ADGRB3: variants seen among roughly 807,000 people sequenced by gnomAD.
ADGRB3 encodes adhesion G protein-coupled receptor B3, also known as brain-specific angiogenesis inhibitor 3.
ADGRB3 carries 37 observed loss-of-function variants against 193.4 expected under a neutral mutation model. The observed-to-expected ratio is 0.19, with a 90% CI of 0.15 to 0.25. ADGRB3 has a LOEUF of 0.25. Ranked by LOEUF, ADGRB3 falls within the 10% of genes least tolerant of loss-of-function variation. The pLI is 1.00. For synonymous variants in ADGRB3, 690 were observed against 644.2 expected (o/e 1.07, Z -1.08); for missense variants, 1,637 against 1,852.9 (o/e 0.88, Z 2.14).
At chr6:69,255,560 T>G (rs536840351) in intron 20 of ADGRB3, among the ~76,000 whole-genome samples, 71 of 152,348 alleles carry the variant, frequency 4.7e-4, no homozygotes, top group Admixed American at 6.5e-4. Flanking sequence ...TTTGTTTTTT[T>G]CTTGTAAATT....
At chr6:69,074,160 A>G (rs1435146870) in intron 16 of ADGRB3, among the ~76,000 whole-genome samples, 1 of 152,218 alleles carries the variant, frequency 6.6e-6, no homozygotes, top group Non-Finnish European at 1.5e-5. Flanking sequence ...GCTTAAAAAA[A>G]AAAAGTAAGA....
intron 3 of ADGRB3, among the ~76,000 whole-genome samples, chr6:68,887,549 C>T (rs2150227589): frequency 6.6e-6 from 1 of 152,148 alleles, no homozygotes; most frequent in South Asian, 2.1e-4. Context: ...GAGTTTCTTA[C>T]ATCTGCTATT....
chr6:69,205,596 G>A (rs919368094), intron 17 of ADGRB3, among the ~76,000 whole-genome samples: 1 of 152,026 alleles, frequency 6.6e-6, no homozygotes, highest in East Asian at 1.9e-4. Context: ...AATGGCACTG[G>A]CCTCTAGTAT....
At chr6:68,678,704 G>A (rs1033038753) in intron 3 of ADGRB3, among the ~76,000 whole-genome samples, 3 of 152,104 alleles carry the variant, frequency 2.0e-5, no homozygotes, top group African/African-American at 7.2e-5. Context: ...ATCTATTTGT[G>A]TGTGTGTGTG....
chr6:68,742,257 A>G (rs1476543647), intron 3 of ADGRB3, among the ~76,000 whole-genome samples: 1 of 152,128 alleles, frequency 6.6e-6, no homozygotes, highest in Non-Finnish European at 1.5e-5. Flanking sequence ...ATATATTGTA[A>G]TTCTTCCAGT....
At chr6:69,264,668 AC>A (rs1425157881) in intron 20 of ADGRB3, among the ~76,000 whole-genome samples, 2 of 151,784 alleles carry the variant, frequency 1.3e-5, no homozygotes, top group East Asian at 1.9e-4. Flanking sequence ...AACGAGTCTC[AC>A]CCAAACTCAC....
At chr6:68,901,693 A>T (rs1766397654) in intron 3 of ADGRB3, among the ~76,000 whole-genome samples, 1 of 152,218 alleles carries the variant, frequency 6.6e-6, no homozygotes, top group African/African-American at 2.4e-5. Flanking sequence ...AATATTAGAT[A>T]AAAAGTCCTT....
At chr6:68,854,225 T>C (rs1764891614) in intron 3 of ADGRB3, among the ~76,000 whole-genome samples, 1 of 152,214 alleles carries the variant, frequency 6.6e-6, no homozygotes, top group Non-Finnish European at 1.5e-5. Context: ...GTTAAATATC[T>C]GGAATTAGTT....
At chr6:69,060,399 C>T (rs968240642) in intron 15 of ADGRB3, among the ~76,000 whole-genome samples, 3 of 151,934 alleles carry the variant, frequency 2.0e-5, no homozygotes, top group Non-Finnish European at 4.4e-5. Context: ...CTACTTTGCT[C>T]CTTACAGACC....
chr6:69,192,783 C>T (rs1765220765), intron 17 of ADGRB3, among the ~76,000 whole-genome samples: 1 of 152,012 alleles, frequency 6.6e-6, no homozygotes, highest in Non-Finnish European at 1.5e-5. Flanking sequence ...TTTTGAGGGT[C>T]TGCTATATTC....
intron 20 of ADGRB3, among the ~76,000 whole-genome samples, chr6:69,248,811 C>A (rs1766551864): frequency 6.6e-6 from 1 of 152,112 alleles, no homozygotes; most frequent in Non-Finnish European, 1.5e-5. Context: ...GTGAGGCCAG[C>A]CTATTTCTGG....
chr6:69,285,065 GC>G (rs1767519318), intron 20 of ADGRB3, among the ~76,000 whole-genome samples: 1 of 152,192 alleles, frequency 6.6e-6, no homozygotes, highest in African/African-American at 2.4e-5. Context: ...CTCAAAGAAT[GC>G]TTTAGAATAT....
intron 17 of ADGRB3, among the ~76,000 whole-genome samples, chr6:69,162,934 G>A (rs1427898302): frequency 6.6e-6 from 1 of 151,992 alleles, no homozygotes; most frequent in Non-Finnish European, 1.5e-5. Context: ...CACAGACCGT[G>A]GGAGCTGATG....
chr6:68,835,498 C>T (rs1310027995), intron 3 of ADGRB3, among the ~76,000 whole-genome samples: 1 of 152,082 alleles, frequency 6.6e-6, no homozygotes, highest in Non-Finnish European at 1.5e-5. Context: ...AAACAGTCTA[C>T]ATGACTTATT....
chr6:68,936,871 A>G (rs1767498965), intron 5 of ADGRB3, among the ~76,000 whole-genome samples, 191 bp downstream of exon 5: 1 of 152,248 alleles, frequency 6.6e-6, no homozygotes, highest in Non-Finnish European at 1.5e-5. Flanking sequence ...TCAGCAAATT[A>G]GGTAAATGGC....
At chr6:69,215,525 C>A (rs183827627) in intron 17 of ADGRB3, among the ~76,000 whole-genome samples, 6 of 150,380 alleles carry the variant, frequency 4.0e-5, no homozygotes, top group Admixed American at 2.0e-4. Context: ...TAATTCAGTC[C>A]TTTTATGAAA....
At chr6:69,264,876 A>C (rs989261351) in intron 20 of ADGRB3, among the ~76,000 whole-genome samples, 1 of 151,910 alleles carries the variant, frequency 6.6e-6, no homozygotes, top group Non-Finnish European at 1.5e-5. Context: ...TGATGCATTA[A>C]ATTTCTGGAA....
chr6:68,797,330 G>C (rs1021697760), intron 3 of ADGRB3, among the ~76,000 whole-genome samples: 4 of 151,910 alleles, frequency 2.6e-5, no homozygotes, highest in African/African-American at 7.3e-5. Context: ...AGGACAGTAA[G>C]AGAAAGCTTT....
chr6:69,229,067 G>A (rs1766080523), intron 17 of ADGRB3, among the ~76,000 whole-genome samples: 1 of 152,080 alleles, frequency 6.6e-6, no homozygotes, highest in Admixed American at 6.6e-5. Context: ...AAATCAATGG[G>A]CTAGATGATC....
Sources: gnomAD v4.1 joint callset for allele counts (sites outside exome capture counted in the v4.1 genomes callset) on GRCh38, gnomAD v4.1.1 for gene constraint, MANE v1.5 for transcripts, NCBI Gene and HGNC (gene_info 2026-07-23, HGNC 2026-07-21) for gene names.